Variants in USP8 observed in about 807,000 individuals in gnomAD.
USP8 encodes the protein ubiquitin specific peptidase 8.
Under a neutral mutation model 130.0 loss-of-function variants are expected in USP8, and 27 were observed. The ratio of observed to expected loss-of-function variants is 0.21; its 90% CI spans 0.15 to 0.29. The LOEUF is 0.29. Ranked by LOEUF, USP8 falls within the 10% of genes least tolerant of loss-of-function variation. The probability of loss-of-function intolerance (pLI) is 1.00; values close to 1 mark genes in which losing one functional copy is unlikely to be tolerated. For missense variants in USP8, 1,029 were observed against 1,312.2 expected (o/e 0.78, Z 3.33); for synonymous variants, 392 against 444.1 (o/e 0.88, Z 1.48).
chr15:50,485,399 G>A lies in USP8; in HGVS notation c.1890+1038G>A, dbSNP rs927132999. ...AGGGAGGCGGAGCTTGCAGTGAGTC[G>A]AGATCGGGCCACTGCACTCCAGCCT... is the stretch of plus-strand genomic sequence containing the variant. On this transcript the variant is annotated intron_variant, in intron 12 of 19. Coordinates refer to ENST00000307179, the MANE Select transcript of USP8 (RefSeq NM_005154.5). Among the ~76,000 whole-genome samples the A allele has an allele frequency of 6.7e-5, 10 of 149,774 alleles. No homozygotes were observed. The East Asian group carries it at 1.8e-3, about 26-fold the overall frequency.
At chr15:50,493,992 G>A in intron 15 of USP8, 78 bp from the exon 16 acceptor site, 1 of 1,479,252 alleles carries the variant, frequency 6.8e-7, no homozygotes, top group Non-Finnish European at 9.4e-7. Flanking sequence ...ATTTCATGTT[G>A]ACATCAAGAA....
At chr15:50,495,205 C>T (rs962048045) in intron 16 of USP8, among the ~76,000 whole-genome samples, 4 of 147,752 alleles carry the variant, frequency 2.7e-5, no homozygotes, top group African/African-American at 7.4e-5. Flanking sequence ...TATATATATA[C>T]ACACACACCT....
At chr15:50,470,300 G>C (rs2051333111) in intron 7 of USP8, among the ~76,000 whole-genome samples, 1 of 152,306 alleles carries the variant, frequency 6.6e-6, no homozygotes, top group Non-Finnish European at 1.5e-5. Context: ...GTCTTATGTT[G>C]AGTGCCTTGG....
intron 2 of USP8, among the ~76,000 whole-genome samples, chr15:50,440,150 T>C (rs920933114): frequency 6.6e-6 from 1 of 152,170 alleles, no homozygotes; most frequent in African/African-American, 2.4e-5. Context: ...TCTTGCGAAG[T>C]TGGGAAGTTG....
chr15:50,493,246 C>T, intron 15 of USP8: 1 of 513,320 alleles, frequency 1.9e-6, no homozygotes, highest in South Asian at 1.5e-5. Flanking sequence ...GGCCCCATCT[C>T]TTAATCCTGT....
chr15:50,446,667 T>A (rs2050450459), intron 3 of USP8, among the ~76,000 whole-genome samples: 1 of 152,214 alleles, frequency 6.6e-6, no homozygotes, highest in Non-Finnish European at 1.5e-5. Flanking sequence ...TTTATTGGAA[T>A]TACATAGTGA....
chr15:50,490,398 C>A lies in USP8; in HGVS notation c.2107C>A (p.Pro703Thr). ...PPTHKAKPQI[P>T]AERDREPSKL... ...AACTCATAAAGCCAAGCCACAGATT[C>A]CTGCTGAGCGGGATAGGGAACCTTC... Residue 703 changes from proline (P) to threonine (T), a missense_variant, in exon 14 of 20, where the codon CCT becomes ACT. Coordinates refer to ENST00000307179, the MANE Select transcript of USP8 (RefSeq NM_005154.5). 1 of 1,614,118 alleles carries A rather than the reference C, an allele frequency of 6.2e-7. No individual in the cohort carries two copies. The highest frequency in any genetic ancestry group is 8.5e-7 in the Non-Finnish European group (1 of 1,180,014).
intron 8 of USP8, among the ~76,000 whole-genome samples, chr15:50,473,476 T>G (rs1316933418): frequency 2.0e-5 from 3 of 152,124 alleles, no homozygotes; most frequent in Non-Finnish European, 4.4e-5. Context: ...ACTATATATT[T>G]TTTAAATTTA....
chr15:50,448,462 TGTACTTGTTA>T (rs2050510370), intron 3 of USP8, among the ~76,000 whole-genome samples: 1 of 152,042 alleles, frequency 6.6e-6, no homozygotes, highest in Non-Finnish European at 1.5e-5. Flanking sequence ...ACAACTTCAT[TGTACTTGTTA>T]GTAAATTATA....
At chr15:50,452,963 TC>T (rs2050672064) in intron 4 of USP8, among the ~76,000 whole-genome samples, 1 of 152,216 alleles carries the variant, frequency 6.6e-6, no homozygotes, top group Non-Finnish European at 1.5e-5. Flanking sequence ...TTGCTCTTGT[TC>T]CAAATCTTTC....
intron 1 of USP8, among the ~76,000 whole-genome samples, chr15:50,427,557 AAT>A (rs2049780180): frequency 7.5e-6 from 1 of 133,180 alleles, no homozygotes; most frequent in South Asian, 2.4e-4. Context: ...TAGCCGTACT[AAT>A]TTTTTTTTTT....
chr15:50,460,725 C>T (rs573251315), intron 5 of USP8, among the ~76,000 whole-genome samples: 5 of 152,322 alleles, frequency 3.3e-5, no homozygotes, highest in African/African-American at 9.6e-5. Context: ...CCGTACCTCC[C>T]TTCCTTTACC....
intron 1 of USP8, among the ~76,000 whole-genome samples, chr15:50,428,241 C>G (rs1332802790): frequency 1.3e-5 from 2 of 152,188 alleles, no homozygotes; most frequent in Non-Finnish European, 2.9e-5. Context: ...CTCAGCCTCC[C>G]AAGTAGCTGG....
rs551956426 is a variant in USP8 at position 50,488,611 on chromosome 15, C to T, written c.1891-1190C>T. ...ATGGAGTCTCGCTCTGCCACCCAGG[C>T]GGGAGTGCAGTGACACAAACTCAGC... On this transcript the variant is annotated intron_variant, in intron 12 of 19. Transcript: ENST00000307179. Among the ~76,000 whole-genome samples the T allele has an allele frequency of 1.8e-4, 24 of 129,874 alleles. No individual in the cohort carries two copies. In the East Asian group the frequency reaches 5.3e-3, roughly 29 times the overall value. The allele number at this position is 129,874 out of a possible 152,430, so 85.2% of individuals were successfully genotyped here.
At chr15:50,451,618 G>A (rs1004446388) in intron 4 of USP8, among the ~76,000 whole-genome samples, 5 of 152,136 alleles carry the variant, frequency 3.3e-5, no homozygotes, top group Non-Finnish European at 7.3e-5. Context: ...TTTGCAGCTA[G>A]ATGTGGAGAA....
At chr15:50,436,790 C>T (rs2050105131) in intron 1 of USP8, among the ~76,000 whole-genome samples, 1 of 152,194 alleles carries the variant, frequency 6.6e-6, no homozygotes, top group African/African-American at 2.4e-5. Flanking sequence ...CTGCCTTAGC[C>T]TCCCAAGTAG....
Position 50,501,689 on chromosome 15 carries a change from A to G in USP8, c.*2601A>G, listed in dbSNP as rs962328320. The G allele has an allele frequency of 6.6e-6, 1 of 152,154 alleles. No homozygotes were observed. The highest frequency in any genetic ancestry group is 2.4e-5 in the African/African-American group (1 of 41,434). The allele number at this position is 152,154 out of a possible 1,614,324, so 9.4% of individuals were successfully genotyped here. A position where few individuals can be genotyped will look rare whatever the true frequency, so the allele number is the denominator to read the frequency against. On this transcript the variant is annotated 3_prime_UTR_variant, in exon 20 of 20. Transcript: ENST00000307179. ...CCTTTTTCCATGTCTTTCCTAACCC[A>G]GTATTGTTTGGAACAAAGGCATTAG...
intron 12 of USP8, among the ~76,000 whole-genome samples, chr15:50,487,363 A>G (rs2052002789): frequency 2.3e-5 from 2 of 87,730 alleles, no homozygotes; most frequent in African/African-American, 5.6e-5. Flanking sequence ...GAGAAAATGA[A>G]GAGAGAGAGA....
intron 4 of USP8, among the ~76,000 whole-genome samples, chr15:50,451,600 T>C (rs577401519): frequency 4.6e-4 from 70 of 152,334 alleles, no homozygotes; most frequent in African/African-American, 1.6e-3. Flanking sequence ...TTCCTCTGTA[T>C]AGGTTATTTT....
Sources: gnomAD v4.1 joint callset for allele counts (sites outside exome capture counted in the v4.1 genomes callset) on GRCh38, gnomAD v4.1.1 for gene constraint, MANE v1.5 for transcripts, NCBI Gene and HGNC (gene_info 2026-07-23, HGNC 2026-07-21) for gene names.